SCFD1: variants seen among roughly 807,000 people sequenced by gnomAD.
The protein encoded by SCFD1 is sec1 family domain containing 1.
In SCFD1, 37 loss-of-function variants were observed where a neutral mutation model predicts 103.2. The ratio of observed to expected loss-of-function variants is 0.36; its 90% CI spans 0.28 to 0.47. The LOEUF is 0.47. SCFD1 is among the 20% of genes least tolerant of loss of function. SCFD1 has a pLI of 1.00. For missense variants in SCFD1, 639 were observed against 761.2 expected (o/e 0.84, Z 1.89); for synonymous variants, 264 against 245.0 (o/e 1.08, Z -0.73).
chr14:30,707,716 G>A, intron 18 of SCFD1: 1 of 416,392 alleles, frequency 2.4e-6, no homozygotes, highest in Admixed American at 3.4e-5. Flanking sequence ...AGGAAATTAA[G>A]ATGTTTATTT....
At chr14:30,662,746 A>G (rs555711735) in intron 10 of SCFD1, among the ~76,000 whole-genome samples, 9 of 152,220 alleles carry the variant, frequency 5.9e-5, no homozygotes, top group Non-Finnish European at 8.8e-5. Flanking sequence ...GGTATTGCCT[A>G]TATTATCCAG....
intron 19 of SCFD1, among the ~76,000 whole-genome samples, chr14:30,709,546 A>G (rs1400813681): frequency 6.6e-6 from 1 of 152,098 alleles, no homozygotes; most frequent in African/African-American, 2.4e-5. Flanking sequence ...TATCCCTTTT[A>G]GAAATTATTG....
At position 30,675,037 on chromosome 14, in the gene SCFD1, T is replaced by C; in HGVS notation, c.1214T>C (p.Val405Ala). 1 of 1,590,300 alleles carries C rather than the reference T, an allele frequency of 6.3e-7. No individual in the cohort carries two copies. Among genetic ancestry groups the C allele is most frequent in the Non-Finnish European group, 8.6e-7 (1 of 1,169,540 alleles). ...AGACTTATTGATCTCCATACAAATG[T>C]TGCCACTGCTGTTTTAGAACATATA... is the stretch of plus-strand genomic sequence containing the variant. ...KKRLIDLHTN[V>A]ATAVLEHIKA... Residue 405 changes from valine (V) to alanine (A), a missense_variant, in exon 14 of 25, where the codon GTT becomes GCT. By Grantham distance (64) the Val-to-Ala change is moderately conservative. Coordinates refer to ENST00000458591, the MANE Select transcript of SCFD1 (RefSeq NM_016106.4).
chr14:30,697,361 AAAT>A (rs542103691), intron 15 of SCFD1, among the ~76,000 whole-genome samples: 44 of 152,366 alleles, frequency 2.9e-4, no homozygotes, highest in Non-Finnish European at 5.0e-4. Flanking sequence ...GCATCAAAAT[AAAT>A]AATAACAGAT....
intron 10 of SCFD1, among the ~76,000 whole-genome samples, chr14:30,661,302 C>T (rs1887429989): frequency 6.6e-6 from 1 of 152,072 alleles, no homozygotes; most frequent in Admixed American, 6.6e-5. Context: ...CCAAAGAAAC[C>T]AGATGACTGT....
intron 20 of SCFD1, 131 bp from the exon 21 acceptor site, chr14:30,719,194 A>G (rs1892482370): frequency 1.5e-6 from 1 of 662,052 alleles, no homozygotes; most frequent in South Asian, 1.9e-5. Flanking sequence ...GTAAGTGCTC[A>G]TTAAGTATTA....
chr14:30,669,275 G>T (rs1037294458), intron 10 of SCFD1, among the ~76,000 whole-genome samples: 3 of 151,996 alleles, frequency 2.0e-5, no homozygotes, highest in Non-Finnish European at 2.9e-5. Flanking sequence ...AATATATACA[G>T]ATACCTTAGA....
intron 20 of SCFD1, among the ~76,000 whole-genome samples, chr14:30,716,975 TTG>T (rs1479857862): frequency 6.6e-6 from 1 of 152,176 alleles, no homozygotes; most frequent in Non-Finnish European, 1.5e-5. Context: ...ATAATAGACT[TTG>T]TCACTACATC....
At chr14:30,708,112 T>A (rs1891601396) in intron 19 of SCFD1, 47 bp downstream of exon 19, 7 of 1,228,654 alleles carry the variant, frequency 5.7e-6, no homozygotes, top group East Asian at 2.3e-5. Flanking sequence ...TAAACATAAA[T>A]GTTGACAGGC....
At chr14:30,653,625 A>G in intron 10 of SCFD1, 37 bp downstream of exon 10, 1 of 1,293,464 alleles carries the variant, frequency 7.7e-7, no homozygotes. Flanking sequence ...ACTGAAATAT[A>G]GTAACATGCA....
At chr14:30,674,479 TA>T (rs1304815545) in intron 13 of SCFD1, among the ~76,000 whole-genome samples, 3 of 151,804 alleles carry the variant, frequency 2.0e-5, no homozygotes, top group East Asian at 1.9e-4. Flanking sequence ...CATCTCTACT[TA>T]AAAAAATAAA....
Position 30,624,539 on chromosome 14 carries a change from A to T in SCFD1, c.61+2140A>T, listed in dbSNP as rs564279784. Reference sequence around the variant, plus strand: ...TCTTTCAGTAAATCTTGTCAGTTCTACTCTGAAAATACATCCAGGATCTGA... The same window carrying T: ...TCTTTCAGTAAATCTTGTCAGTTCTTCTCTGAAAATACATCCAGGATCTGA... On this transcript the variant is annotated intron_variant, in intron 1 of 24. Coordinates refer to ENST00000458591, the MANE Select transcript of SCFD1 (RefSeq NM_016106.4). Among the ~76,000 whole-genome samples the T allele has an allele frequency of 4.6e-5, 7 of 152,092 alleles. No individual in the cohort carries two copies. In the South Asian group the frequency reaches 1.2e-3, roughly 27 times the overall value.
rs1436415889 is a variant in SCFD1 at position 30,684,055 on chromosome 14, G to GA, written c.1242+8995dup. ...TGGGGAGAGAAATAGTAAAAAGAAG[G>GA]AAAAATCCCTGCAATTACTTATAGG... On this transcript the variant is annotated intron_variant, in intron 14 of 24. Coordinates refer to ENST00000458591, the MANE Select transcript of SCFD1 (RefSeq NM_016106.4). Among the ~76,000 whole-genome samples the GA allele has an allele frequency of 6.6e-5, 10 of 152,262 alleles. No homozygotes were observed. In the East Asian group the frequency reaches 1.7e-3, roughly 26 times the overall value.
intron 19 of SCFD1, 50 bp from the exon 20 acceptor site, chr14:30,715,874 G>C (rs1226699338): frequency 9.9e-7 from 1 of 1,007,432 alleles, no homozygotes; most frequent in East Asian, 2.5e-5. Context: ...TTTTAATAGA[G>C]AAGAACTTTG....
intron 15 of SCFD1, among the ~76,000 whole-genome samples, chr14:30,699,038 G>T (rs1230003042): frequency 6.6e-6 from 1 of 152,140 alleles, no homozygotes; most frequent in African/African-American, 2.4e-5. Context: ...AGGAACATTA[G>T]CCTGTACTGA....
At chr14:30,717,366 A>G (rs1470520876) in intron 20 of SCFD1, among the ~76,000 whole-genome samples, 1 of 152,112 alleles carries the variant, frequency 6.6e-6, no homozygotes, top group African/African-American at 2.4e-5. Context: ...AGTCCCAGCT[A>G]TTCAGGAGGC....
chr14:30,719,031 A>G (rs1387762155), intron 20 of SCFD1, among the ~76,000 whole-genome samples: 1 of 152,192 alleles, frequency 6.6e-6, no homozygotes, highest in Non-Finnish European at 1.5e-5. Context: ...TAGTTCCCAT[A>G]CTTACTAATC....
At chr14:30,711,325 A>C (rs541934671) in intron 19 of SCFD1, among the ~76,000 whole-genome samples, 1 of 152,212 alleles carries the variant, frequency 6.6e-6, no homozygotes, top group Non-Finnish European at 1.5e-5. Context: ...ATGATTTTAT[A>C]TGTCGGGTGC....
chr14:30,716,118 A>C, intron 20 of SCFD1, 141 bp downstream of exon 20: 2 of 634,618 alleles, frequency 3.2e-6, no homozygotes, highest in Non-Finnish European at 5.6e-6. Context: ...CCATGTTCTC[A>C]AGAAGCCTTT....
Sources: gnomAD v4.1 joint callset for allele counts (sites outside exome capture counted in the v4.1 genomes callset) on GRCh38, gnomAD v4.1.1 for gene constraint, MANE v1.5 for transcripts, NCBI Gene and HGNC (gene_info 2026-07-23, HGNC 2026-07-21) for gene names.